PPHLN1: variants seen among roughly 807,000 people sequenced by gnomAD.
The protein encoded by PPHLN1 is periphilin 1, also known as periphilin-1.
PPHLN1 carries 29 observed loss-of-function variants against 51.3 expected under a neutral mutation model. The ratio of observed to expected loss-of-function variants is 0.57; its 90% confidence interval spans 0.42 to 0.77. The LOEUF is 0.77. Among genes scored for constraint, PPHLN1 ranks in the 30% least tolerant of loss-of-function variants. The pLI is 0.00. For synonymous variants in PPHLN1, 147 were observed against 147.8 expected, an observed-to-expected ratio of 0.99 and a Z score of 0.04; for missense variants, 436 against 438.4, an observed-to-expected ratio of 0.99 and a Z score of 0.05.
chr12:42,418,794 T>A (rs1056511706), intron 9 of PPHLN1, among the ~76,000 whole-genome samples: 1 of 152,222 alleles, frequency 6.6e-6, no homozygotes. Flanking sequence ...TTATACATTT[T>A]AAAAATATCT....
At chr12:42,329,394 C>T (rs749954520) in intron 1 of PPHLN1, among the ~76,000 whole-genome samples, 1 of 152,128 alleles carries the variant, frequency 6.6e-6, no homozygotes, top group African/African-American at 2.4e-5. Context: ...CGTGAGCCAC[C>T]GCGCCCGGCC....
chr12:42,335,319 A>C (rs2070433583), intron 1 of PPHLN1, among the ~76,000 whole-genome samples: 1 of 152,158 alleles, frequency 6.6e-6, no homozygotes, highest in Non-Finnish European at 1.5e-5. Flanking sequence ...TAGCGTTAAA[A>C]AAATCAGGAG....
In PPHLN1 at chr12:42,393,572, G is replaced by A; in HGVS notation, c.651G>A (p.Val217=). ...SSGSAVSSSK[V]LDKPSRLTEK... ...CAGAAATGTTCTATTTTTATTAGGT[G>A]TTAGACAAACCCAGTAGGCTAACTG... Residue 217 remains valine (V), a splice_region_variant and synonymous_variant, in exon 8 of 10, where the codon GTG becomes GTA. Transcript: ENST00000358314. The A allele has an allele frequency of 1.2e-6, 2 of 1,603,186 alleles. No homozygotes were observed. Among genetic ancestry groups the A allele is most frequent in the South Asian group, 2.3e-5 (2 of 88,848 alleles).
chr12:42,330,414 C>T (rs113032012), intron 1 of PPHLN1, among the ~76,000 whole-genome samples: 2 of 152,348 alleles, frequency 1.3e-5, no homozygotes, highest in African/African-American at 4.8e-5. Context: ...ATATCTCAGG[C>T]TGTCTCATTG....
Position 42,351,922 on chromosome 12 carries a change from AACC to A in PPHLN1, c.116_118del (p.Pro39del). 1.3e-6 allele frequency: 2 copies of A among 1,583,510 alleles called. No homozygotes were observed. The highest frequency in any genetic ancestry group is 1.7e-6 in the Non-Finnish European group (2 of 1,169,894). The stretch of plus-strand genomic sequence containing the variant: ...AGACTAGTTAATATTGTGCCAAAGA[AACC>A]ACCACTGCTAGACAGACCTGGTGAA... On this transcript the variant is annotated inframe_deletion, in exon 3 of 10. Coordinates refer to ENST00000358314, the MANE Select transcript of PPHLN1 (RefSeq NM_201439.2).
intron 4 of PPHLN1, among the ~76,000 whole-genome samples, chr12:42,356,028 A>G (rs1817260527): frequency 6.6e-6 from 1 of 152,220 alleles, no homozygotes; most frequent in African/African-American, 2.4e-5. Context: ...CATCTAATAG[A>G]ATAGTTGTGG....
At chr12:42,432,442 A>C (rs1319087760) in intron 9 of PPHLN1, 1 of 760,836 alleles carries the variant, frequency 1.3e-6, no homozygotes, top group African/African-American at 1.7e-5. Context: ...ATGGAATCAT[A>C]CTGTCTTCTC....
intron 8 of PPHLN1, 189 bp from the exon 9 acceptor site, chr12:42,398,662 TAGC>T (rs2078507429): frequency 2.4e-6 from 1 of 418,434 alleles, no homozygotes; most frequent in Non-Finnish European, 4.1e-6. Flanking sequence ...AAAAAAAAAG[TAGC>T]AGTCATTTCT....
At chr12:42,355,115 C>G in intron 3 of PPHLN1, 46 bp from the exon 4 acceptor site, 1 of 1,579,658 alleles carries the variant, frequency 6.3e-7, no homozygotes, top group Non-Finnish European at 8.7e-7. Flanking sequence ...TCCCACTTGT[C>G]CAAAATAATG....
chr12:42,331,118 GGGAA>G (rs1333336835), intron 1 of PPHLN1, among the ~76,000 whole-genome samples: 6 of 152,218 alleles, frequency 3.9e-5, no homozygotes, highest in African/African-American at 1.4e-4. Flanking sequence ...ATTCTGTGCA[GGGAA>G]TTGCCAGTGC....
intron 5 of PPHLN1, among the ~76,000 whole-genome samples, chr12:42,383,326 A>T (rs1047938798): frequency 2.0e-5 from 3 of 152,226 alleles, no homozygotes; most frequent in Admixed American, 2.0e-4. Context: ...AAAGGGATGC[A>T]TGCAATTCAC....
At chr12:42,360,339 G>A (rs929553326) in intron 4 of PPHLN1, among the ~76,000 whole-genome samples, 1 of 139,634 alleles carries the variant, frequency 7.2e-6, no homozygotes, top group Non-Finnish European at 1.6e-5. Flanking sequence ...TACAGGGCAA[G>A]TTTTTTTTTT....
chr12:42,343,060 C>T (rs2071728062), intron 2 of PPHLN1, among the ~76,000 whole-genome samples: 1 of 152,162 alleles, frequency 6.6e-6, no homozygotes, highest in Non-Finnish European at 1.5e-5. Flanking sequence ...CACCTGTTCT[C>T]AAATGTAAAT....
At chr12:42,430,743 C>T (rs1300261734) in intron 9 of PPHLN1, among the ~76,000 whole-genome samples, 1 of 152,196 alleles carries the variant, frequency 6.6e-6, no homozygotes, top group Non-Finnish European at 1.5e-5. Flanking sequence ...ATCTACCCAC[C>T]TCAGCCTCCC....
chr12:42,387,363 G>A lies in PPHLN1; in HGVS notation c.569-93G>A, dbSNP rs1423661234. On this transcript the variant is annotated intron_variant, in intron 6 of 9. Coordinates refer to ENST00000358314, the MANE Select transcript of PPHLN1 (RefSeq NM_201439.2). ...ATGAAAAGTTTTAGTACTAAAATAA[G>A]TGTATGACCCCCACATTAATTCCAT... is the stretch of plus-strand genomic sequence containing the variant. 22 of 1,346,748 alleles carry A rather than the reference G, an allele frequency of 1.6e-5. 1 individual carries two copies. The highest frequency in any genetic ancestry group is 4.6e-5 in the Admixed American group (2 of 43,114). The allele number at this position is 1,346,748 out of a possible 1,614,324, so 83.4% of individuals were successfully genotyped here. A position where few individuals can be genotyped will look rare whatever the true frequency, so the allele number is the denominator to read the frequency against.
chr12:42,426,217 CACACA>C (rs2081465755), intron 9 of PPHLN1, among the ~76,000 whole-genome samples: 1 of 124,368 alleles, frequency 8.0e-6, no homozygotes, highest in African/African-American at 3.1e-5. Flanking sequence ...CACACACACA[CACACA>C]CACACACCCT....
At chr12:42,395,904 G>T (rs530624113) in intron 8 of PPHLN1, among the ~76,000 whole-genome samples, 1 of 152,096 alleles carries the variant, frequency 6.6e-6, no homozygotes, top group Non-Finnish European at 1.5e-5. Context: ...TTGGGAAAAC[G>T]TGTAGTTCAT....
At chr12:42,328,098 T>A in intron 1 of PPHLN1, among the ~76,000 whole-genome samples, 1 of 152,102 alleles carries the variant, frequency 6.6e-6, no homozygotes, top group East Asian at 1.9e-4. Context: ...CTGTTTTAAG[T>A]CTTGTAGGGT....
intron 9 of PPHLN1, among the ~76,000 whole-genome samples, chr12:42,412,569 A>AT (rs1292716306): frequency 6.6e-6 from 1 of 151,572 alleles, no homozygotes; most frequent in African/African-American, 2.4e-5. Context: ...TGTCTTTTTA[A>AT]TTTTTTTTCC....
Sources: allele counts gnomAD v4.1 joint callset (sites outside exome capture counted in the v4.1 genomes callset), GRCh38; gene constraint gnomAD v4.1.1; transcripts MANE v1.5; gene names NCBI Gene and HGNC (gene_info 2026-07-23, HGNC 2026-07-21).